ADCY2: variants seen among roughly 807,000 people sequenced by gnomAD.
ADCY2 encodes adenylate cyclase 2.
In ADCY2, 31 loss-of-function variants were observed where a neutral mutation model predicts 125.2. That is an observed-to-expected ratio of 0.25 (90% CI 0.19 to 0.33). The LOEUF (loss-of-function observed/expected upper bound fraction) is 0.33, where lower values mean the gene tolerates loss of function less well. ADCY2 is among the 10% of genes least tolerant of loss of function. The probability of loss-of-function intolerance (pLI) is 1.00; values close to 1 mark genes in which losing one functional copy is unlikely to be tolerated. For missense variants in ADCY2, 904 were observed against 1,418.2 expected, an observed-to-expected ratio of 0.64 and a Z score of 5.82; for synonymous variants, 512 against 548.4, an observed-to-expected ratio of 0.93 and a Z score of 0.93.
At chr5:7,813,500 C>T (rs2126533953) in intron 22 of ADCY2, among the ~76,000 whole-genome samples, 1 of 152,280 alleles carries the variant, frequency 6.6e-6, no homozygotes, top group Non-Finnish European at 1.5e-5. Flanking sequence ...CGAGTAGTCT[C>T]TGTGTAGCTG....
At chr5:7,785,933 T>C (rs748457422) in intron 19 of ADCY2, among the ~76,000 whole-genome samples, 31 of 152,216 alleles carry the variant, frequency 2.0e-4, no homozygotes, top group Non-Finnish European at 4.1e-4. Context: ...TGGCTGACAG[T>C]TGATCCATCA....
At chr5:7,592,307 A>G (rs1309554415) in intron 3 of ADCY2, among the ~76,000 whole-genome samples, 1 of 152,198 alleles carries the variant, frequency 6.6e-6, no homozygotes, top group African/African-American at 2.4e-5. Flanking sequence ...ATGGAAGCTG[A>G]TATCGTTGGA....
At position 7,757,502 on chromosome 5, in the gene ADCY2, C is replaced by T. The variant is rs752937569; in HGVS notation, c.2010C>T (p.Gly670=). ...TCATGTGGCTTTTGAAGTCCTCGGG[C>T]ATCATTGCCAACCGCCCCTGGCCAC... is the stretch of plus-strand genomic sequence containing the variant. ...PLLMWLLKSS[G]IIANRPWPRI... The change falls in exon 16 of 25, where the codon GGC becomes GGT. Residue 670 remains glycine (G), a synonymous_variant. Transcript: ENST00000338316. 1 of 1,613,990 alleles carries T rather than the reference C, an allele frequency of 6.2e-7. No individual in the cohort carries two copies. Among genetic ancestry groups the T allele is most frequent in the Non-Finnish European group, 8.5e-7 (1 of 1,180,016 alleles).
rs1742575699 is a variant in ADCY2, at chr5:7,745,651, C to T, written c.1956+1899C>T. On this transcript the variant is annotated intron_variant, in intron 15 of 24. Coordinates refer to ENST00000338316, the MANE Select transcript of ADCY2 (RefSeq NM_020546.3). The stretch of plus-strand genomic sequence containing the variant: ...ACAGGCTCCCCTGCTCTCTTCCTTG[C>T]CCCCACAAATCTCCTGAAGCCCATG... 2.0e-5 allele frequency among the ~76,000 whole-genome samples: 3 copies of T among 152,174 alleles called. No individual in the cohort carries two copies. In the South Asian group the frequency reaches 6.2e-4, roughly 32 times the overall value.
At chr5:7,471,021 T>A (rs997166806) in intron 2 of ADCY2, among the ~76,000 whole-genome samples, 6 of 151,920 alleles carry the variant, frequency 3.9e-5, no homozygotes, top group African/African-American at 1.2e-4. Flanking sequence ...AATGTCCTTT[T>A]TTATTATTAA....
At chr5:7,615,565 TA>T (rs1737726901) in intron 3 of ADCY2, among the ~76,000 whole-genome samples, 1 of 152,218 alleles carries the variant, frequency 6.6e-6, no homozygotes, top group Non-Finnish European at 1.5e-5. Context: ...ATAGTTTTAA[TA>T]ACTATTTTAT....
chr5:7,763,961 C>T (rs550771487), intron 16 of ADCY2, among the ~76,000 whole-genome samples: 2 of 152,312 alleles, frequency 1.3e-5, no homozygotes, highest in East Asian at 3.9e-4. Context: ...GGCTCCACGT[C>T]AATTTCCAGT....
chr5:7,482,767 G>GATATATATATAT (rs140354609), intron 2 of ADCY2, among the ~76,000 whole-genome samples: 2,663 of 118,804 alleles, frequency 0.022, 38 homozygotes, highest in East Asian at 0.065. Flanking sequence ...AAGAAAATGT[G>GATATATATATAT]ATATATATAT....
chr5:7,705,019 G>A (rs77879003), intron 7 of ADCY2, among the ~76,000 whole-genome samples: 3,314 of 152,272 alleles, frequency 0.022, 55 homozygotes, highest in African/African-American at 0.041. Context: ...CAAGTGGACA[G>A]TCTGAGACTC....
At chr5:7,761,148 C>CTTTTTTTTTTTTTTTTT (rs367998018) in intron 16 of ADCY2, among the ~76,000 whole-genome samples, 10 of 88,174 alleles carry the variant, frequency 1.1e-4, no homozygotes, top group East Asian at 3.5e-4. Flanking sequence ...CTTTTCTTTT[C>CTTTTTTTTTTTTTTTTT]TTTTTTTTTT....
At chr5:7,482,791 T>TATATATATATATACAC (rs1443104319) in intron 2 of ADCY2, among the ~76,000 whole-genome samples, 1 of 139,836 alleles carries the variant, frequency 7.2e-6, no homozygotes, top group African/African-American at 2.8e-5. Flanking sequence ...TATATATATA[T>TATATATATATATACAC]ACACACACAC....
Position 7,626,308 on chromosome 5 carries a change from C to T in ADCY2, c.712C>T (p.Arg238Cys), listed in dbSNP as rs754055904. The change falls in exon 4 of 25, where the codon CGT (arginine) becomes TGT (cysteine). Residue 238 changes from arginine to cysteine, a missense_variant. Physicochemically the swap from Arg to Cys is radical, Grantham distance 180 (BLOSUM62 -3). Coordinates refer to ENST00000338316, the MANE Select transcript of ADCY2 (RefSeq NM_020546.3). ...GCGGATCAAGTTGGAATTTGAAAAA[C>T]GTCAACAGGTAATGGATGTTTCATC... is the stretch of plus-strand genomic sequence containing the variant. ...KSRIKLEFEK[R>C]QQERLLLSLL... 1.1e-5 allele frequency: 18 copies of T among 1,613,708 alleles called. No homozygotes were observed. Among genetic ancestry groups the T allele is most frequent in the Non-Finnish European group, 1.2e-5 (14 of 1,179,834 alleles).
At chr5:7,504,118 T>C (rs1743708453) in intron 2 of ADCY2, among the ~76,000 whole-genome samples, 1 of 152,174 alleles carries the variant, frequency 6.6e-6, no homozygotes, top group African/African-American at 2.4e-5. Flanking sequence ...CTGGTGGGCT[T>C]CCATAAATAA....
chr5:7,399,504 A>C (rs1739184860), intron 1 of ADCY2, among the ~76,000 whole-genome samples: 1 of 152,242 alleles, frequency 6.6e-6, no homozygotes, highest in Admixed American at 6.5e-5. Flanking sequence ...CCTAAAGTTA[A>C]AGTAATCCTC....
intron 7 of ADCY2, among the ~76,000 whole-genome samples, chr5:7,704,750 C>T (rs937583993): frequency 6.6e-5 from 10 of 151,944 alleles, no homozygotes; most frequent in East Asian, 3.9e-4. Context: ...GTTTGGCGTG[C>T]GCCTGTAATC....
intron 4 of ADCY2, among the ~76,000 whole-genome samples, chr5:7,680,823 A>G (rs1303112151): frequency 6.6e-6 from 1 of 152,178 alleles, no homozygotes; most frequent in African/African-American, 2.4e-5. Context: ...GTTTTTAGCT[A>G]ATATTTGATG....
At chr5:7,717,721 C>G (rs1484183518) in intron 12 of ADCY2, among the ~76,000 whole-genome samples, 1 of 152,106 alleles carries the variant, frequency 6.6e-6, no homozygotes, top group Admixed American at 6.6e-5. Context: ...GCCTCTGAGG[C>G]CAAGAATTGC....
chr5:7,453,681 C>T (rs866647995), intron 2 of ADCY2, among the ~76,000 whole-genome samples: 7 of 152,128 alleles, frequency 4.6e-5, no homozygotes, highest in Non-Finnish European at 8.8e-5. Flanking sequence ...TTTGACTTTT[C>T]GACTTGGGGA....
At chr5:7,739,350 G>T (rs949941396) in intron 14 of ADCY2, among the ~76,000 whole-genome samples, 1 of 151,760 alleles carries the variant, frequency 6.6e-6, no homozygotes, top group African/African-American at 2.4e-5. Context: ...AAATACAAGC[G>T]AAATGTAAAA....
Sources: gnomAD v4.1 joint callset for allele counts (sites outside exome capture counted in the v4.1 genomes callset) on GRCh38, gnomAD v4.1.1 for gene constraint, MANE v1.5 for transcripts, NCBI Gene and HGNC (gene_info 2026-07-23, HGNC 2026-07-21) for gene names.